Variants in JCAD observed in about 807,000 individuals in gnomAD.
JCAD encodes the protein junctional cadherin 5 associated.
A neutral mutation model predicts 98.0 loss-of-function variants in JCAD; 40 were observed. The observed-to-expected ratio is 0.41, with a 90% confidence interval of 0.32 to 0.53. The LOEUF is 0.53. Ranked by LOEUF, JCAD falls within the 20% of genes least tolerant of loss-of-function variation. JCAD has a pLI of 0.31. For synonymous variants in JCAD, 691 were observed against 682.3 expected (o/e 1.01, Z -0.20); for missense variants, 1,705 against 1,738.1 (o/e 0.98, Z 0.34).
Position 30,027,804 on chromosome 10 carries a change from T to C in JCAD, c.2344A>G (p.Ser782Gly). The C allele has an allele frequency of 1.2e-6, 2 of 1,614,260 alleles. No individual in the cohort carries two copies. The highest frequency in any genetic ancestry group is 4.5e-5 in the East Asian group (2 of 44,890). The change falls in exon 3 of 4, where the codon AGT becomes GGT. Residue 782 changes from serine to glycine, a missense_variant. By Grantham distance (56) the Ser-to-Gly change is moderately conservative. Coordinates refer to ENST00000375377, the MANE Select transcript of JCAD (RefSeq NM_020848.4). ...CCGTGGACATCCACGCAGGGCTGAC[T>C]TCGGCCTGCTTTTGGCGTCGGTGCC... ...DQAPTPKAGR[S>G]QPCVDVHGLG...
At chr10:30,097,650 G>A (rs1396419603) in intron 1 of JCAD, among the ~76,000 whole-genome samples, 1 of 152,150 alleles carries the variant, frequency 6.6e-6, no homozygotes, top group African/African-American at 2.4e-5. Flanking sequence ...AGCTACTCGA[G>A]AGACTAAGAC....
At position 30,015,745 on chromosome 10, in the gene JCAD, G is replaced by A. The variant is rs1465302510; in HGVS notation, c.*2138C>T. The A allele has an allele frequency of 6.6e-6, 1 of 152,108 alleles. No individual in the cohort carries two copies. Among genetic ancestry groups the A allele is most frequent in the South Asian group, 2.1e-4 (1 of 4,820 alleles). The allele number at this position is 152,108 out of a possible 1,614,324, so 9.4% of individuals were successfully genotyped here. A position where few individuals can be genotyped will look rare whatever the true frequency, so the allele number is the denominator to read the frequency against. On this transcript the variant is annotated 3_prime_UTR_variant, in exon 4 of 4. Coordinates refer to ENST00000375377, the MANE Select transcript of JCAD (RefSeq NM_020848.4). ...ACAAAATTTCAGAGGAAATCAGAAC[G>A]GAGTTCATATACATGTATGGGTATG...
Position 30,064,766 on chromosome 10 carries a change from G to T in JCAD, n.250+4934C>A, listed in dbSNP as rs1015279533. Among the ~76,000 whole-genome samples the T allele has an allele frequency of 4.8e-4, 73 of 151,938 alleles. 2 individuals carry two copies. The highest frequency in any genetic ancestry group is 6.6e-5 in the Admixed American group (1 of 15,250). ...AGCTCACTGCAACCTCCACCTCCCA[G>T]GTTCAAGCAGTTCTCCTGCCTCAGC... On this transcript the variant is annotated intron_variant and non_coding_transcript_variant, in intron 2 of 2. Transcript: ENST00000465712.
In JCAD at chr10:30,026,400, G is replaced by A; in HGVS notation, c.3748C>T (p.Pro1250Ser). The change falls in exon 3 of 4, where the codon CCG (proline) becomes TCG (serine). Residue 1250 changes from proline (P) to serine (S), a missense_variant. Physicochemically the swap from Pro to Ser is moderately conservative, Grantham distance 74. This residue lies in a region of JCAD where 1,278 missense variants were observed against 1,243.1 expected (regional missense o/e 1.03). Transcript: ENST00000375377. The part of the protein sequence containing the change: ...IESLQEKLAS[P>S]PRRADPDRLM... ...CGGTCAGGGTCTGCTCTCCTAGGCG[G>A]GGAGGCCAGTTTCTCTTGTAAACTT... 6.2e-7 allele frequency: 1 copy of A among 1,614,248 alleles called. No homozygotes were observed. Among genetic ancestry groups the A allele is most frequent in the Non-Finnish European group, 8.5e-7 (1 of 1,180,044 alleles).
chr10:30,044,825 TAAA>T (rs35686768), intron 2 of JCAD: 9,070 of 900,626 alleles, frequency 0.01, 47 homozygotes, highest in South Asian at 0.059. Context: ...ATTGGGCACC[TAAA>T]AAAAAAAAAA....
intron 1 of JCAD, among the ~76,000 whole-genome samples, chr10:30,087,817 T>C (rs755867564): frequency 2.0e-5 from 3 of 152,258 alleles, no homozygotes; most frequent in Non-Finnish European, 2.9e-5. Context: ...GCATGGTATC[T>C]GAAACCTTAT....
chr10:30,078,886 C>T (rs181370018), intron 1 of JCAD, among the ~76,000 whole-genome samples: 123 of 152,254 alleles, frequency 8.1e-4, no homozygotes, highest in Non-Finnish European at 1.5e-3. Flanking sequence ...AGGTCATGTG[C>T]CACACTGGTC....
intron 1 of JCAD, among the ~76,000 whole-genome samples, chr10:30,070,461 G>A (rs932225296): frequency 1.3e-5 from 2 of 152,148 alleles, no homozygotes; most frequent in African/African-American, 4.8e-5. Context: ...AGAATGAATT[G>A]AGCACCATTT....
chr10:30,096,499 A>G (rs944050275), intron 1 of JCAD, among the ~76,000 whole-genome samples: 3 of 152,208 alleles, frequency 2.0e-5, no homozygotes, highest in African/African-American at 7.2e-5. Flanking sequence ...TGCATTATTC[A>G]TCACACCTTG....
chr10:30,109,375 G>A (rs1838647584), intron 1 of JCAD, among the ~76,000 whole-genome samples: 2 of 152,014 alleles, frequency 1.3e-5, no homozygotes, highest in South Asian at 4.1e-4. Context: ...TACTCCTAAT[G>A]TCCCTATCTA....
Position 30,029,681 on chromosome 10 carries a change from A to G in JCAD, c.467T>C (p.Val156Ala), listed in dbSNP as rs368913834. The change falls in exon 3 of 4, where the codon GTT becomes GCT. Residue 156 changes from valine to alanine, a missense_variant. Physicochemically the swap from Val to Ala is moderately conservative, Grantham distance 64. This residue lies in a region of JCAD where 275 missense variants were observed against 346.9 expected (regional missense o/e 0.79). Coordinates refer to ENST00000375377, the MANE Select transcript of JCAD (RefSeq NM_020848.4). ...PVHVREGPWE[V>A]GGRSEHVMKK... ...CATCACATGCTCTGACCTTCCTCCA[A>G]CTTCCCATGGACCCTCCCTCACGTG... is the stretch of plus-strand genomic sequence containing the variant. 6.8e-6 allele frequency: 11 copies of G among 1,613,692 alleles called. No homozygotes were observed. In the Admixed American group the frequency reaches 1.3e-4, roughly 20 times the overall value.
chr10:30,076,782 T>C (rs1307777251), intron 1 of JCAD, among the ~76,000 whole-genome samples: 1 of 152,166 alleles, frequency 6.6e-6, no homozygotes, highest in Non-Finnish European at 1.5e-5. Context: ...ACCTTCAACA[T>C]CATAGGAATG....
intron 2 of JCAD, chr10:30,044,818 G>A (rs1837304039): frequency 2.1e-6 from 2 of 967,054 alleles, no homozygotes; most frequent in South Asian, 4.8e-5. Context: ...GTTCTCTATT[G>A]GGCACCTAAA....
intron 1 of JCAD, among the ~76,000 whole-genome samples, chr10:30,055,171 C>T (rs1837544157): frequency 6.6e-6 from 1 of 152,196 alleles, no homozygotes; most frequent in African/African-American, 2.4e-5. Flanking sequence ...TACAAGGTTA[C>T]AACCAGCATT....
Position 30,029,338 on chromosome 10 carries a change from G to A in JCAD, c.810C>T (p.Asp270=), listed in dbSNP as rs1836933119. The change falls in exon 3 of 4, where the codon GAC becomes GAT. Residue 270 remains aspartate, a synonymous_variant. Coordinates refer to ENST00000375377, the MANE Select transcript of JCAD (RefSeq NM_020848.4). ...CACTCTTCTCAGAATTCCTCGTGGAGTCCAAATTTGGTGCGCAAGTGGGAG... is the reference window on the plus strand; with the variant it reads ...CACTCTTCTCAGAATTCCTCGTGGAATCCAAATTTGGTGCGCAAGTGGGAG... ...PYPPTCAPNL[D]STRNSEKSGC... 1 of 1,614,036 alleles carries A rather than the reference G, an allele frequency of 6.2e-7. No individual in the cohort carries two copies.
chr10:30,032,635 T>TA (rs1463496783), intron 2 of JCAD, among the ~76,000 whole-genome samples: 1 of 152,182 alleles, frequency 6.6e-6, no homozygotes, highest in African/African-American at 2.4e-5. Flanking sequence ...TGGAAGAATA[T>TA]AAAAAAGTAC....
At chr10:30,018,302 T>C (rs1338469663) in intron 3 of JCAD, among the ~76,000 whole-genome samples, 1 of 151,856 alleles carries the variant, frequency 6.6e-6, no homozygotes, top group Non-Finnish European at 1.5e-5. Flanking sequence ...TCTTCTTTTT[T>C]TTTTTTTGGT....
At chr10:30,097,165 G>T (rs1409450838) in intron 1 of JCAD, among the ~76,000 whole-genome samples, 1 of 152,148 alleles carries the variant, frequency 6.6e-6, no homozygotes, top group Non-Finnish European at 1.5e-5. Flanking sequence ...AATATGGTGG[G>T]CACTGGCCAC....
chr10:30,042,778 C>T (rs1387646449), intron 2 of JCAD, among the ~76,000 whole-genome samples: 1 of 152,186 alleles, frequency 6.6e-6, no homozygotes, highest in South Asian at 2.1e-4. Context: ...ATCCTTACAA[C>T]GACCCCTCCC....
Sources: allele counts gnomAD v4.1 joint callset (sites outside exome capture counted in the v4.1 genomes callset), GRCh38; gene constraint gnomAD v4.1.1; regional missense constraint gnomAD v4.1.1; transcripts MANE v1.5; gene names NCBI Gene and HGNC (gene_info 2026-07-23, HGNC 2026-07-21).